Variants in ITPRID1 observed in about 807,000 individuals in gnomAD.
The protein encoded by ITPRID1 is ITPR interacting domain containing 1.
Under a neutral mutation model 95.4 loss-of-function variants are expected in ITPRID1, and 96 were observed. The observed-to-expected ratio is 1.01, with a 90% CI of 0.85 to 1.19. The LOEUF is 1.19. Among genes scored for constraint, ITPRID1 ranks in the 50% most tolerant of loss-of-function variants. The probability of loss-of-function intolerance (pLI) is 0.00; values close to 1 mark genes in which losing one functional copy is unlikely to be tolerated. For synonymous variants in ITPRID1, 510 were observed against 453.6 expected (o/e 1.12, Z -1.58); for missense variants, 1,339 against 1,252.9 (o/e 1.07, Z -1.04).
intron 10 of ITPRID1, among the ~76,000 whole-genome samples, chr7:31,597,958 T>G (rs969306308): frequency 1.3e-5 from 2 of 152,084 alleles, no homozygotes; most frequent in African/African-American, 4.8e-5. Flanking sequence ...AGCTCAGAAG[T>G]AGACTCCCTG....
At chr7:31,526,479 T>C (rs1267624549) in intron 1 of ITPRID1, among the ~76,000 whole-genome samples, 1 of 152,224 alleles carries the variant, frequency 6.6e-6, no homozygotes, top group East Asian at 1.9e-4. Context: ...GGGTTAATAA[T>C]AACTTCCACC....
Position 31,654,698 on chromosome 7 carries a change from G to A in ITPRID1, c.*1869G>A, listed in dbSNP as rs1283694620. On this transcript the variant is annotated 3_prime_UTR_variant, in exon 15 of 15. Transcript: ENST00000615280. Reference sequence around the variant, plus strand: ...AAGGCCAGAGGCACTGGGTCTCTAAGGAATGGGGAATAGATGCAGAATGGA... The same window carrying A: ...AAGGCCAGAGGCACTGGGTCTCTAAAGAATGGGGAATAGATGCAGAATGGA... 6.6e-6 allele frequency among the ~76,000 whole-genome samples: 1 copy of A among 152,166 alleles called. No homozygotes were observed. Among genetic ancestry groups the A allele is most frequent in the Non-Finnish European group, 1.5e-5 (1 of 68,034 alleles).
Position 31,652,644 on chromosome 7 carries a change from G to A in ITPRID1, c.2950G>A (p.Val984Met), listed in dbSNP as rs762315495. Residue 984 changes from valine (V) to methionine (M), a missense_variant, in exon 15 of 15, where the codon GTG becomes ATG. Physicochemically the swap from Val to Met is conservative, Grantham distance 21. Coordinates refer to ENST00000615280, the MANE Select transcript of ITPRID1 (RefSeq NM_001257967.3). ...CCACCCAGGCATGGCCCCGAGGACT[G>A]TGTTTCCTCCCGATGATGGCCAGGA... is the stretch of plus-strand genomic sequence containing the variant. ...KIHPGMAPRTVFPPDDGQEAP... is the reference protein window; with the variant it reads ...KIHPGMAPRTMFPPDDGQEAP... 4.3e-6 allele frequency: 7 copies of A among 1,613,850 alleles called. No individual in the cohort carries two copies. Among genetic ancestry groups the A allele is most frequent in the South Asian group, 1.1e-5 (1 of 91,062 alleles).
chr7:31,644,393 T>C (rs545128776), intron 12 of ITPRID1, among the ~76,000 whole-genome samples: 2 of 152,378 alleles, frequency 1.3e-5, no homozygotes, highest in East Asian at 3.9e-4. Context: ...AGGATTGTTT[T>C]AGGATTAAAT....
At chr7:31,584,322 T>C (rs551510379) in intron 10 of ITPRID1, among the ~76,000 whole-genome samples, 12 of 152,354 alleles carry the variant, frequency 7.9e-5, no homozygotes, top group South Asian at 2.1e-4. Context: ...TTAGTAATTA[T>C]AGGGTCCTGC....
At position 31,656,267 on chromosome 7, in the gene ITPRID1, G is replaced by C. The variant is rs1320215979; in HGVS notation, c.*3438G>C. On this transcript the variant is annotated 3_prime_UTR_variant, in exon 15 of 15. Coordinates refer to ENST00000615280, the MANE Select transcript of ITPRID1 (RefSeq NM_001257967.3). ...CCCTGTGTTTAAGAGAGACTATCTG[G>C]AGGAAAGTACAGACTCCTTTCTTTA... 1.7e-5 allele frequency: 3 copies of C among 176,818 alleles called. No individual in the cohort carries two copies. The Admixed American group carries it at 2.0e-4, about 12-fold the overall frequency. 11.0% of individuals were successfully genotyped at this position (176,818 alleles called of 1,614,324 possible). A position where few individuals can be genotyped will look rare whatever the true frequency, so the allele number is the denominator to read the frequency against.
intron 10 of ITPRID1, among the ~76,000 whole-genome samples, chr7:31,619,788 C>T (rs1787636814): frequency 6.6e-6 from 1 of 152,146 alleles, no homozygotes; most frequent in Non-Finnish European, 1.5e-5. Context: ...CATGCACAAG[C>T]TGAAGCAGCG....
At chr7:31,623,168 C>T (rs1487544899) in intron 10 of ITPRID1, among the ~76,000 whole-genome samples, 1 of 152,080 alleles carries the variant, frequency 6.6e-6, no homozygotes, top group Non-Finnish European at 1.5e-5. Flanking sequence ...CGAATTCTAC[C>T]AGAGGTACAA....
chr7:31,614,310 T>TTTTAC (rs1166497763), intron 10 of ITPRID1, among the ~76,000 whole-genome samples: 5 of 152,164 alleles, frequency 3.3e-5, no homozygotes, highest in Admixed American at 2.6e-4. Context: ...ATCTAGTTCC[T>TTTTAC]TTTACTTTGG....
intron 10 of ITPRID1, among the ~76,000 whole-genome samples, chr7:31,623,563 A>G (rs374587403): frequency 2.0e-5 from 3 of 151,504 alleles, no homozygotes; most frequent in South Asian, 2.1e-4. Context: ...AACCCTTCAT[A>G]CTAAAAACTC....
intron 1 of ITPRID1, among the ~76,000 whole-genome samples, chr7:31,527,507 A>G (rs1444249033): frequency 6.6e-6 from 1 of 152,130 alleles, no homozygotes; most frequent in Non-Finnish European, 1.5e-5. Flanking sequence ...AATGCATGAC[A>G]TAGGTTTTCA....
intron 10 of ITPRID1, among the ~76,000 whole-genome samples, chr7:31,637,829 A>G (rs991343597): frequency 2.6e-5 from 4 of 152,156 alleles, no homozygotes; most frequent in African/African-American, 9.7e-5. Flanking sequence ...TGTCCTGAAC[A>G]GTATTGCCTA....
intron 9 of ITPRID1, among the ~76,000 whole-genome samples, chr7:31,581,741 CAT>C (rs904624759): frequency 1.3e-5 from 2 of 151,900 alleles, no homozygotes; most frequent in African/African-American, 4.8e-5. Flanking sequence ...AAAAGACAAA[CAT>C]GTGCTTCACA....
chr7:31,643,761 C>A lies in ITPRID1; in HGVS notation c.2391C>A (p.Thr797=). ...TCTCTAGTATCTGCCCAATGGGCAC[C>A]TGCCATGCTATACCTGCCCACTGCT... ...SGFSSICPMG[T]CHAIPAHCCI... Residue 797 remains threonine (T), a synonymous_variant, in exon 12 of 15, where the codon ACC becomes ACA. Coordinates refer to ENST00000615280, the MANE Select transcript of ITPRID1 (RefSeq NM_001257967.3). The A allele has an allele frequency of 6.2e-7, 1 of 1,614,050 alleles. No homozygotes were observed. The highest frequency in any genetic ancestry group is 1.1e-5 in the South Asian group (1 of 91,088).
At chr7:31,622,864 G>C (rs544829570) in intron 10 of ITPRID1, among the ~76,000 whole-genome samples, 1 of 152,140 alleles carries the variant, frequency 6.6e-6, no homozygotes, top group South Asian at 2.1e-4. Flanking sequence ...CCGCTAGCAA[G>C]ACTAATAAAG....
intron 10 of ITPRID1, among the ~76,000 whole-genome samples, chr7:31,593,325 AAAAC>A (rs904006276): frequency 6.6e-6 from 1 of 151,960 alleles, no homozygotes; most frequent in African/African-American, 2.4e-5. Flanking sequence ...GACAAAAACA[AAAAC>A]AAAACAATCA....
At chr7:31,529,462 A>T in intron 1 of ITPRID1, 3 of 349,448 alleles carry the variant, frequency 8.6e-6, no homozygotes, top group Non-Finnish European at 1.6e-5. Context: ...CATTGTATTC[A>T]TTCTCCACAC....
chr7:31,615,920 A>AT (rs907239636), intron 10 of ITPRID1, among the ~76,000 whole-genome samples: 26 of 151,364 alleles, frequency 1.7e-4, no homozygotes, highest in African/African-American at 5.8e-4. Flanking sequence ...CGCCTGGCTA[A>AT]TTTTTTTTGT....
Position 31,653,984 on chromosome 7 carries a change from G to C in ITPRID1, c.*1155G>C, listed in dbSNP as rs554001633. On this transcript the variant is annotated 3_prime_UTR_variant, in exon 15 of 15. Coordinates refer to ENST00000615280, the MANE Select transcript of ITPRID1 (RefSeq NM_001257967.3). Reference sequence around the variant, plus strand: ...CTACTGTGTGCAGGCTACTATTCTAGTGCTGGAGACAGCCATAAATAAGAC... The same window carrying C: ...CTACTGTGTGCAGGCTACTATTCTACTGCTGGAGACAGCCATAAATAAGAC... Among the ~76,000 whole-genome samples, 2 of 148,258 alleles carry C rather than the reference G, an allele frequency of 1.3e-5. No homozygotes were observed. Among genetic ancestry groups the C allele is most frequent in the Non-Finnish European group, 3.0e-5 (2 of 67,486 alleles).
Sources: allele counts gnomAD v4.1 joint callset (sites outside exome capture counted in the v4.1 genomes callset), GRCh38; gene constraint gnomAD v4.1.1; transcripts MANE v1.5; gene names NCBI Gene and HGNC (gene_info 2026-07-23, HGNC 2026-07-21).